Variants in PSMA5 observed in about 807,000 individuals in gnomAD.
The protein encoded by PSMA5 is proteasome 20S subunit alpha 5.
PSMA5 carries 3 observed loss-of-function variants against 34.5 expected under a neutral mutation model. The observed-to-expected ratio is 0.09, with a 90% CI of 0.04 to 0.22. The LOEUF is 0.22. PSMA5 is among the 10% of genes least tolerant of loss of function. PSMA5 has a pLI of 1.00. For missense variants in PSMA5, 120 were observed against 286.1 expected, an observed-to-expected ratio of 0.42 and a Z score of 4.19; for synonymous variants, 88 against 95.8, an observed-to-expected ratio of 0.92 and a Z score of 0.47.
intron 8 of PSMA5, among the ~76,000 whole-genome samples, chr1:109,408,589 C>T (rs189405827): frequency 2.0e-4 from 31 of 152,348 alleles, no homozygotes; most frequent in African/African-American, 6.7e-4. Flanking sequence ...CAATATGATG[C>T]TGAATGAATT....
chr1:109,408,639 T>TA (rs2100958148), intron 8 of PSMA5, among the ~76,000 whole-genome samples: 1 of 152,248 alleles, frequency 6.6e-6, no homozygotes, highest in African/African-American at 2.4e-5. Context: ...TACCATGCCT[T>TA]ACCTCTTCTA....
chr1:109,426,282 C>G lies in PSMA5; in HGVS notation c.29+20G>C. ...CTGCCCACCCATAATTCCCACCCGACGTCCCCCAGCTGCACGGACCTGTCG... is the reference window on the plus strand; with the variant it reads ...CTGCCCACCCATAATTCCCACCCGAGGTCCCCCAGCTGCACGGACCTGTCG... On this transcript the variant is annotated intron_variant, in intron 1 of 8. Transcript: ENST00000271308. The G allele has an allele frequency of 2.5e-6, 4 of 1,613,696 alleles. No individual in the cohort carries two copies. The highest frequency in any genetic ancestry group is 3.4e-6 in the Non-Finnish European group (4 of 1,179,630).
chr1:109,420,791 T>C (rs903036514), intron 2 of PSMA5, among the ~76,000 whole-genome samples: 4 of 152,050 alleles, frequency 2.6e-5, no homozygotes, highest in African/African-American at 9.7e-5. Flanking sequence ...TTTTTGATGG[T>C]CACAACTGAA....
intron 8 of PSMA5, among the ~76,000 whole-genome samples, chr1:109,407,609 TATA>T (rs1653830785): frequency 6.6e-6 from 1 of 152,202 alleles, no homozygotes; most frequent in African/African-American, 2.4e-5. Flanking sequence ...ATTACTGATA[TATA>T]ATTACAGCCT....
intron 8 of PSMA5, among the ~76,000 whole-genome samples, chr1:109,402,911 G>A (rs1653596332): frequency 2.0e-5 from 3 of 152,094 alleles, no homozygotes; most frequent in Non-Finnish European, 4.4e-5. Flanking sequence ...CTCCATGTTG[G>A]TCAGGCTGGT....
intron 6 of PSMA5, among the ~76,000 whole-genome samples, chr1:109,411,363 C>A (rs951445469): frequency 1.3e-5 from 2 of 152,038 alleles, no homozygotes; most frequent in Non-Finnish European, 2.9e-5. Flanking sequence ...CTTGTTTATG[C>A]CTATCTTAGA....
intron 3 of PSMA5, among the ~76,000 whole-genome samples, chr1:109,413,647 T>C (rs891699315): frequency 5.9e-5 from 9 of 152,242 alleles, no homozygotes; most frequent in Admixed American, 5.9e-4. Flanking sequence ...TGGCTATAAC[T>C]GTTATTGTAC....
chr1:109,426,268 TAATTCCC>T, intron 1 of PSMA5, 27 bp downstream of exon 1: 1 of 1,164,240 alleles, frequency 8.6e-7, no homozygotes, highest in South Asian at 1.2e-5. Flanking sequence ...TGCCCACCCA[TAATTCCC>T]ACCCGACGTC....
intron 1 of PSMA5, among the ~76,000 whole-genome samples, chr1:109,424,594 G>A (rs1488864215): frequency 1.3e-5 from 2 of 152,070 alleles, no homozygotes; most frequent in Non-Finnish European, 2.9e-5. Context: ...TGGCCAAGAT[G>A]AGGAAACCCT....
rs1654377157 is a variant in PSMA5, at chr1:109,419,995, C to T, written c.96+1865G>A. ...CTCAAAAAAAAAAAAAAAAAGGAAT[C>T]CTTAATAGGACACTTAATTTGCCTG... On this transcript the variant is annotated intron_variant, in intron 2 of 8. Coordinates refer to ENST00000271308, the MANE Select transcript of PSMA5 (RefSeq NM_002790.4). Among the ~76,000 whole-genome samples, 2 of 150,450 alleles carry T rather than the reference C, an allele frequency of 1.3e-5. 1 individual carries two copies. Among genetic ancestry groups the T allele is most frequent in the South Asian group, 4.2e-4 (2 of 4,754 alleles).
chr1:109,419,615 C>T (rs147819139), intron 2 of PSMA5, among the ~76,000 whole-genome samples: 1 of 151,934 alleles, frequency 6.6e-6, no homozygotes, highest in Non-Finnish European at 1.5e-5. Flanking sequence ...CCAGCCTGAC[C>T]GATATGGTGA....
rs748656503 is a variant in PSMA5, at chr1:109,410,960, A to G, written c.561+51T>C. Reference sequence around the variant, plus strand: ...AAGGTTTGCACATTTTATTATATGTAAATTATACCATGATAAAAAAATAGT... The same window carrying G: ...AAGGTTTGCACATTTTATTATATGTGAATTATACCATGATAAAAAAATAGT... On this transcript the variant is annotated intron_variant, in intron 7 of 8. Transcript: ENST00000271308. The G allele has an allele frequency of 7.4e-6, 10 of 1,354,850 alleles. No homozygotes were observed. In the African/African-American group the frequency reaches 1.5e-4, roughly 20 times the overall value. The allele number at this position is 1,354,850 out of a possible 1,614,324, so 83.9% of individuals were successfully genotyped here. A position where few individuals can be genotyped will look rare whatever the true frequency, so the allele number is the denominator to read the frequency against.
At chr1:109,407,518 TC>T (rs1216647725) in intron 8 of PSMA5, among the ~76,000 whole-genome samples, 1 of 152,176 alleles carries the variant, frequency 6.6e-6, no homozygotes, top group Non-Finnish European at 1.5e-5. Flanking sequence ...AACTAGTCAA[TC>T]CCCTACCATG....
At chr1:109,421,681 T>A (rs1019969856) in intron 2 of PSMA5, among the ~76,000 whole-genome samples, 179 bp downstream of exon 2, 17 of 152,212 alleles carry the variant, frequency 1.1e-4, no homozygotes, top group Admixed American at 9.8e-4. Context: ...TCAAAAAGTT[T>A]TAAAATAGAT....
chr1:109,425,236 TAAC>T (rs1452776066), intron 1 of PSMA5: 1 of 152,200 alleles, frequency 6.6e-6, no homozygotes, highest in Non-Finnish European at 1.5e-5. Flanking sequence ...GAAAAATAAG[TAAC>T]AAAGCAGTCA....
At chr1:109,412,247 C>A in intron 4 of PSMA5, 63 bp from the exon 5 acceptor site, 1 of 1,308,194 alleles carries the variant, frequency 7.6e-7, no homozygotes, top group South Asian at 1.2e-5. Context: ...CCCACCATCT[C>A]ACTACGCACA....
intron 2 of PSMA5, among the ~76,000 whole-genome samples, chr1:109,419,449 C>T (rs1281907612): frequency 1.3e-5 from 2 of 152,150 alleles, no homozygotes; most frequent in African/African-American, 4.8e-5. Flanking sequence ...GGGCGGATCA[C>T]TTGAGCTCAG....
rs1302901309 is a variant in PSMA5, at chr1:109,426,370, G to A, written c.-40C>T. 6.2e-7 allele frequency: 1 copy of A among 1,612,708 alleles called. No individual in the cohort carries two copies. The highest frequency in any genetic ancestry group is 1.7e-5 in the Admixed American group (1 of 60,012). Reference sequence around the variant, plus strand: ...GAGGCAGCGGCTACGCGGGGATTCTGAGGACCAACACGACTCCACCGGCAC... The same window carrying A: ...GAGGCAGCGGCTACGCGGGGATTCTAAGGACCAACACGACTCCACCGGCAC... On this transcript the variant is annotated 5_prime_UTR_variant, in exon 1 of 9. Transcript: ENST00000271308.
chr1:109,418,034 G>A (rs1182529729), intron 2 of PSMA5, among the ~76,000 whole-genome samples: 1 of 151,816 alleles, frequency 6.6e-6, no homozygotes, highest in East Asian at 1.9e-4. Flanking sequence ...GACCAGCCTG[G>A]GCAACATGGC....
Sources: gnomAD v4.1 joint callset for allele counts (sites outside exome capture counted in the v4.1 genomes callset) on GRCh38, gnomAD v4.1.1 for gene constraint, MANE v1.5 for transcripts, NCBI Gene and HGNC (gene_info 2026-07-23, HGNC 2026-07-21) for gene names.